TANC2: variants seen among roughly 807,000 people sequenced by gnomAD.
TANC2 encodes tetratricopeptide repeat, ankyrin repeat and coiled-coil containing 2.
TANC2 carries 26 observed loss-of-function variants against 210.5 expected under a neutral mutation model. The observed-to-expected ratio is 0.12, with a 90% CI of 0.09 to 0.17. TANC2 has a LOEUF of 0.17. TANC2 is among the 10% of genes least tolerant of loss of function. The pLI is 1.00. For synonymous variants in TANC2, 931 were observed against 967.1 expected, an observed-to-expected ratio of 0.96 and a Z score of 0.69; for missense variants, 2,129 against 2,608.9, an observed-to-expected ratio of 0.82 and a Z score of 4.01.
chr17:63,293,452 T>A (rs1330657330), intron 9 of TANC2, among the ~76,000 whole-genome samples: 2 of 152,194 alleles, frequency 1.3e-5, no homozygotes, highest in African/African-American at 2.4e-5. Flanking sequence ...TATAGAAGAA[T>A]GTGAGGAAAT....
chr17:63,407,281 A>G (rs1293408320), intron 21 of TANC2, among the ~76,000 whole-genome samples: 1 of 152,156 alleles, frequency 6.6e-6, no homozygotes, highest in Non-Finnish European at 1.5e-5. Flanking sequence ...TGCCTTCCCC[A>G]TATAAGCTAC....
intron 12 of TANC2, among the ~76,000 whole-genome samples, chr17:63,347,486 T>G (rs1156565535): frequency 6.6e-6 from 1 of 152,210 alleles, no homozygotes; most frequent in African/African-American, 2.4e-5. Context: ...ATATATAAAT[T>G]TTGTTGCAAT....
At chr17:63,044,374 C>G (rs2035300686) in intron 2 of TANC2, among the ~76,000 whole-genome samples, 1 of 152,072 alleles carries the variant, frequency 6.6e-6, no homozygotes, top group South Asian at 2.1e-4. Context: ...TCCTCTATGT[C>G]ATTCTGCAAC....
At chr17:62,994,348 A>ATTTTT (rs373819801) in intron 1 of TANC2, among the ~76,000 whole-genome samples, 1 of 137,170 alleles carries the variant, frequency 7.3e-6, no homozygotes, top group Non-Finnish European at 1.6e-5. Context: ...CACCTGGCTC[A>ATTTTT]TTTTTTTTTT....
intron 17 of TANC2, among the ~76,000 whole-genome samples, chr17:63,395,223 C>A (rs1428852070): frequency 6.6e-6 from 1 of 152,198 alleles, no homozygotes; most frequent in Admixed American, 6.5e-5. Flanking sequence ...CTTTGAGAGT[C>A]CTCCCTCCTG....
rs181261382 is a variant in TANC2 at position 63,163,057 on chromosome 17, G to T, written c.433+11677G>T. Among the ~76,000 whole-genome samples the T allele has an allele frequency of 1.5e-3, 233 of 151,758 alleles. 1 individual carries two copies. Among genetic ancestry groups the T allele is most frequent in the Non-Finnish European group, 2.3e-3 (153 of 67,950 alleles). On this transcript the variant is annotated intron_variant, in intron 5 of 27. Transcript: ENST00000689528. ...TTAAAGAGGATCAAGGGAGTTGAGG[G>T]TATTTGCAAAGGAGTGATTATGGTG... is the stretch of plus-strand genomic sequence containing the variant.
At chr17:63,346,946 T>C (rs533722243) in intron 12 of TANC2, among the ~76,000 whole-genome samples, 1 of 151,838 alleles carries the variant, frequency 6.6e-6, no homozygotes, top group African/African-American at 2.4e-5. Context: ...GCCCAAGCAG[T>C]TTTCCCGCCT....
chr17:62,985,270 T>C (rs2032511995), intron 1 of TANC2, among the ~76,000 whole-genome samples: 1 of 152,148 alleles, frequency 6.6e-6, no homozygotes, highest in South Asian at 2.1e-4. Context: ...GGGATTCCCT[T>C]ATATGTGACT....
chr17:63,347,968 A>C (rs1286281171), intron 12 of TANC2, among the ~76,000 whole-genome samples: 1 of 152,072 alleles, frequency 6.6e-6, no homozygotes, highest in Non-Finnish European at 1.5e-5. Flanking sequence ...GTGTCTCACG[A>C]TGTTGCCCAG....
At chr17:63,423,116 T>A (rs1236928600) in exon 28 of TANC2, 1 of 152,236 alleles carries the variant, frequency 6.6e-6, no homozygotes, top group Non-Finnish European at 1.5e-5. Context: ...GTTGTCTACT[T>A]CCATTTTGAG....
At chr17:63,287,690 T>A (rs1003110196) in intron 9 of TANC2, among the ~76,000 whole-genome samples, 37 of 151,386 alleles carry the variant, frequency 2.4e-4, no homozygotes, top group South Asian at 6.3e-4. Flanking sequence ...GTATATATTT[T>A]TTTTTTTTTT....
intron 11 of TANC2, among the ~76,000 whole-genome samples, chr17:63,320,778 A>G (rs1463657126): frequency 1.3e-5 from 2 of 152,066 alleles, no homozygotes; most frequent in African/African-American, 4.8e-5. Context: ...TTTTTCATTT[A>G]TTCTGTTGGT....
At chr17:63,380,721 A>T (rs150204549) in intron 15 of TANC2, among the ~76,000 whole-genome samples, 1 of 152,316 alleles carries the variant, frequency 6.6e-6, no homozygotes, top group Non-Finnish European at 1.5e-5. Flanking sequence ...AAAAAATGAA[A>T]CCATTGTCTT....
rs142486219 is a variant in TANC2, at chr17:63,063,575, T to TGTGTGTGTGTGTGTGTGTAG, written c.68-10368_68-10367insGTGTGTGTGTGTGTGTGTAG. 1.2e-3 allele frequency among the ~76,000 whole-genome samples: 165 copies of TGTGTGTGTGTGTGTGTGTAG among 132,584 alleles called. 3 individuals are homozygous for TGTGTGTGTGTGTGTGTGTAG. The highest frequency in any genetic ancestry group is 7.6e-3 in the Middle Eastern group (2 of 262). The allele number at this position is 132,584 out of a possible 152,430, so 87.0% of individuals were successfully genotyped here. ...GTGTGTGTGTGTGTGTGTGTGTGTG[T>TGTGTGTGTGTGTGTGTGTAG]AGATATATCTCTTACAGTATCACAC... On this transcript the variant is annotated intron_variant, in intron 2 of 27. Transcript: ENST00000689528.
intron 14 of TANC2, among the ~76,000 whole-genome samples, chr17:63,366,991 G>T (rs1324316636): frequency 6.6e-6 from 1 of 152,206 alleles, no homozygotes; most frequent in African/African-American, 2.4e-5. Context: ...AAGAAGAGAA[G>T]TGGAAAAGAT....
rs895743598 is a variant in TANC2 at position 63,107,459 on chromosome 17, G to A, written c.322+8102G>A. 2.1e-4 allele frequency among the ~76,000 whole-genome samples: 32 copies of A among 151,570 alleles called. 1 individual carries two copies. Among genetic ancestry groups the A allele is most frequent in the African/African-American group, 7.3e-4 (30 of 40,948 alleles). On this transcript the variant is annotated intron_variant, in intron 4 of 27. Transcript: ENST00000689528. Reference sequence around the variant, plus strand: ...ACGATTATTGCTTTTTTATGCATGAGACAACATGGCATCAAAATGTATAAA... The same window carrying A: ...ACGATTATTGCTTTTTTATGCATGAAACAACATGGCATCAAAATGTATAAA...
intron 7 of TANC2, among the ~76,000 whole-genome samples, chr17:63,206,931 T>C (rs2041733075): frequency 1.3e-5 from 2 of 152,174 alleles, no homozygotes; most frequent in South Asian, 4.1e-4. Flanking sequence ...TATTAATATG[T>C]ATATGGTATA....
At position 63,420,240 on chromosome 17, in the gene TANC2, G is replaced by A. The variant is rs761240342; in HGVS notation, c.4510G>A (p.Val1504Ile). ...CGAGGAGGAGTACCTGGAACAGGAT[G>A]TTGAAAATGTTTCCATTGGCCTCCA... The change falls in exon 28 of 28, where the codon GTT becomes ATT. Residue 1504 changes from valine (V) to isoleucine (I), a missense_variant. Val to Ile is a conservative substitution (Grantham distance 29). Transcript: ENST00000689528. This position sits in a 1 kb window ranked among gnomAD's most constrained non-coding sequence, Gnocchi z 4.2. 6.2e-7 allele frequency: 1 copy of A among 1,613,346 alleles called. No homozygotes were observed. Among genetic ancestry groups the A allele is most frequent in the East Asian group, 2.2e-5 (1 of 44,864 alleles).
At chr17:63,323,007 A>C (rs1332355884) in intron 11 of TANC2, among the ~76,000 whole-genome samples, 2 of 152,240 alleles carry the variant, frequency 1.3e-5, no homozygotes, top group Non-Finnish European at 2.9e-5. Flanking sequence ...AGAAGTAGCC[A>C]CTTAGCTTAA....
Sources: gnomAD v4.1 joint callset for allele counts (sites outside exome capture counted in the v4.1 genomes callset) on GRCh38, gnomAD v4.1.1 for gene constraint, Gnocchi (gnomAD v3.1) non-coding constraint, MANE v1.5 for transcripts, NCBI Gene and HGNC (gene_info 2026-07-23, HGNC 2026-07-21) for gene names.